Variants in SZT2 observed in about 807,000 individuals in gnomAD.
SZT2 encodes KICSTOR complex protein SZT2.
SZT2 carries 216 observed loss-of-function variants against 404.2 expected under a neutral mutation model. The observed-to-expected ratio is 0.53, with a 90% confidence interval of 0.48 to 0.60. The LOEUF (loss-of-function observed/expected upper bound fraction) is 0.60, where lower values mean the gene tolerates loss of function less well. Among genes scored for constraint, SZT2 ranks in the 20% least tolerant of loss-of-function variants. SZT2 has a pLI of 0.00. For missense variants in SZT2, 3,857 were observed against 4,459.2 expected (o/e 0.86, Z 3.85); for synonymous variants, 1,693 against 1,749.9 (o/e 0.97, Z 0.81).
intron 6 of SZT2, 134 bp downstream of exon 6, chr1:43,416,235 T>A (rs1437351129): frequency 7.5e-6 from 9 of 1,202,648 alleles, no homozygotes; most frequent in African/African-American, 3.1e-5. Flanking sequence ...GTTTGCAAAA[T>A]GTAAGTCTGT....
At chr1:43,404,760 T>C (rs1650101619) in intron 4 of SZT2, 1 of 484,328 alleles carries the variant, frequency 2.1e-6, no homozygotes, top group East Asian at 3.5e-5. Context: ...AGACTTCGGG[T>C]CAGTTGGTGT....
Position 43,428,416 on chromosome 1 carries a change from G to A in SZT2, c.4096G>A (p.Gly1366Arg). The change falls in exon 28 of 72, where the codon GGG (glycine) becomes AGG (arginine). Residue 1366 changes from glycine (G) to arginine (R), a missense_variant. Physicochemically the swap from Gly to Arg is moderately radical, Grantham distance 125. Transcript: ENST00000634258. The part of the protein sequence containing the change: ...APPSPGPLSP[G>R]PFSSSMEEGA... ...CCCAAGTCCTGGTCCTCTCAGCCCT[G>A]GGCCCTTCAGCAGCAGCATGGAGGA... The A allele has an allele frequency of 6.2e-7, 1 of 1,614,162 alleles. No individual in the cohort carries two copies.
chr1:43,419,907 G>T lies in SZT2; in HGVS notation c.1053G>T (p.Leu351=), dbSNP rs1273335092. 8 of 1,598,224 alleles carry T rather than the reference G, an allele frequency of 5.0e-6. No homozygotes were observed. The highest frequency in any genetic ancestry group is 6.8e-6 in the Non-Finnish European group (8 of 1,179,744). ...YHRAFLLYSF[L]RSGEALNPEY... ...GGGCATTTCTCCTCTATTCCTTCCT[G>T]CGCAGTGGGGAAGCACTGAACCCTG... is the stretch of plus-strand genomic sequence containing the variant. Residue 351 remains leucine, a synonymous_variant, in exon 8 of 72, where the codon CTG becomes CTT. Transcript: ENST00000634258.
In SZT2 at chr1:43,427,983, A is replaced by G. The variant is rs776029530; in HGVS notation, c.3804-20A>G. ...CACTTAAGGGAGTTGGTCAAGTTCC[A>G]TTTTCCCTTCGTTTCCTAGGACTCA... On this transcript the variant is annotated intron_variant, in intron 26 of 71. Transcript: ENST00000634258. 3.7e-6 allele frequency: 6 copies of G among 1,605,630 alleles called. No homozygotes were observed. Among genetic ancestry groups the G allele is most frequent in the East Asian group, 2.2e-5 (1 of 44,790 alleles).
rs781556562 is a variant in SZT2 at position 43,432,531 on chromosome 1, C to T, written c.5457C>T (p.Ser1819=). 6.2e-7 allele frequency: 1 copy of T among 1,606,332 alleles called. No individual in the cohort carries two copies. The highest frequency in any genetic ancestry group is 8.5e-7 in the Non-Finnish European group (1 of 1,176,360). The change falls in exon 38 of 72, where the codon AGC becomes AGT. Residue 1819 remains serine (S), a synonymous_variant. Transcript: ENST00000634258. ...CTATTCCTCAGACCCTGACAGCCAG[C>T]CCCCAAGCACCTGGGTCCCCAGAGG... ...EGIEGETLTA[S]PQAPGSPEDS...
At chr1:43,390,684 G>T (rs577526120) in intron 1 of SZT2, among the ~76,000 whole-genome samples, 2 of 152,322 alleles carry the variant, frequency 1.3e-5, no homozygotes, top group South Asian at 4.1e-4. Flanking sequence ...CAAGGAAGGT[G>T]GCATTCTCAC....
chr1:43,450,405 A>G lies in SZT2; in HGVS notation c.10224A>G (p.Gln3408=), dbSNP rs1416479711. 1.2e-5 allele frequency: 20 copies of G among 1,613,816 alleles called. No individual in the cohort carries two copies. Among genetic ancestry groups the G allele is most frequent in the Non-Finnish European group, 3.4e-6 (4 of 1,179,938 alleles). The change falls in exon 72 of 72, where the codon CAA becomes CAG. Residue 3408 remains glutamine (Q), a synonymous_variant. Transcript: ENST00000634258. This position sits in a 1 kb window ranked among gnomAD's most constrained non-coding sequence, Gnocchi z 4.3. ...AGGACAGCGAGAGCCCCCCTGCCCA[A>G]CTGGTCTCCACCTACCACCACCTGG... The part of the protein sequence containing the change: ...QPQDSESPPA[Q]LVSTYHHLES...
rs147961236 is a variant in SZT2 at position 43,451,422 on chromosome 1, A to C, written c.*942A>C. 6.2e-7 allele frequency: 1 copy of C among 1,613,062 alleles called. No individual in the cohort carries two copies. Among genetic ancestry groups the C allele is most frequent in the Admixed American group, 1.7e-5 (1 of 60,020 alleles). Reference sequence around the variant, plus strand: ...GGCCACGCCTCACCTCGAGGCTGATACTCACAGCCCACGAAGCCTTTGTAG... The same window carrying C: ...GGCCACGCCTCACCTCGAGGCTGATCCTCACAGCCCACGAAGCCTTTGTAG... On this transcript the variant is annotated 3_prime_UTR_variant, in exon 72 of 72. Transcript: ENST00000634258.
intron 64 of SZT2, 37 bp downstream of exon 64, chr1:43,446,296 C>G (rs1009788444): frequency 6.2e-7 from 1 of 1,614,144 alleles, no homozygotes; most frequent in Non-Finnish European, 8.5e-7. Context: ...ACAGCCAGAC[C>G]CACCTGTCTC....
chr1:43,452,417 G>A lies in SZT2; in HGVS notation c.*1937G>A. The A allele has an allele frequency of 2.1e-6, 2 of 953,524 alleles. No homozygotes were observed. Among genetic ancestry groups the A allele is most frequent in the East Asian group, 2.6e-5 (1 of 38,200 alleles). The allele number at this position is 953,524 out of a possible 1,614,324, so 59.1% of individuals were successfully genotyped here. On this transcript the variant is annotated 3_prime_UTR_variant, in exon 72 of 72. Coordinates refer to ENST00000634258, the MANE Select transcript of SZT2 (RefSeq NM_001365999.1). ...TGCCAGCCCTCGTCCGTCTCCCCAGGTCTCCAGTCCATGGCACCTGGGTCA... is the reference window on the plus strand; with the variant it reads ...TGCCAGCCCTCGTCCGTCTCCCCAGATCTCCAGTCCATGGCACCTGGGTCA...
chr1:43,453,060 G>T lies in SZT2; in HGVS notation c.*2580G>T. The stretch of plus-strand genomic sequence containing the variant: ...AAGCAGCTTTCTCTGATCCAGACAG[G>T]GTTAGGTGCCTACCCTGCTCCCACA... On this transcript the variant is annotated 3_prime_UTR_variant, in exon 72 of 72. Transcript: ENST00000634258. The T allele has an allele frequency of 9.2e-7, 1 of 1,086,496 alleles. No homozygotes were observed. The highest frequency in any genetic ancestry group is 1.3e-5 in the South Asian group (1 of 75,170). 67.3% of individuals were successfully genotyped at this position (1,086,496 alleles called of 1,614,324 possible). A position where few individuals can be genotyped will look rare whatever the true frequency, so the allele number is the denominator to read the frequency against.
Position 43,439,016 on chromosome 1 carries a change from T to C in SZT2, c.6715T>C (p.Trp2239Arg). ...SCRPWLPALA[W>R]YLRQNLLIFL... ...CAGGCCCTGGCTTCCAGCCCTGGCA[T>C]GGTACCTACGGCAGAACTTGCTCAT... is the stretch of plus-strand genomic sequence containing the variant. The change falls in exon 48 of 72, where the codon TGG becomes CGG. Residue 2239 changes from tryptophan (W) to arginine (R), a missense_variant. Physicochemically the swap from Trp to Arg is moderately radical, Grantham distance 101 (BLOSUM62 -3). This residue lies in a region of SZT2 where 261 missense variants were observed against 372.9 expected (regional missense o/e 0.70). Coordinates refer to ENST00000634258, the MANE Select transcript of SZT2 (RefSeq NM_001365999.1). The surrounding 1 kb of genome is among the most constrained non-coding windows in gnomAD (Gnocchi z 4.2). The C allele has an allele frequency of 6.2e-7, 1 of 1,614,216 alleles. No homozygotes were observed.
chr1:43,446,081 C>T, intron 63 of SZT2, 97 bp downstream of exon 63: 1 of 1,583,278 alleles, frequency 6.3e-7, no homozygotes, highest in South Asian at 1.1e-5. Context: ...TCACTGATCC[C>T]AGACTGACAC....
intron 7 of SZT2, among the ~76,000 whole-genome samples, chr1:43,417,031 G>A (rs1257443530): frequency 6.6e-6 from 1 of 152,222 alleles, no homozygotes; most frequent in East Asian, 1.9e-4. Flanking sequence ...GGACTGTAGG[G>A]AAGGAGGTAA....
chr1:43,420,402 A>G lies in SZT2; in HGVS notation c.1261+79A>G. ...GTGGGAAGACCCACATGTATCACAC[A>G]TGAAAGAGTGTCACATTGAAGTCCT... On this transcript the variant is annotated intron_variant, in intron 9 of 71. Transcript: ENST00000634258. This position sits in a 1 kb window ranked among gnomAD's most constrained non-coding sequence, Gnocchi z 5.1. 5.6e-6 allele frequency: 8 copies of G among 1,440,064 alleles called. No homozygotes were observed. The South Asian group carries it at 8.5e-5, about 15-fold the overall frequency. 89.2% of individuals were successfully genotyped at this position (1,440,064 alleles called of 1,614,324 possible).
Position 43,427,111 on chromosome 1 carries a change from G to T in SZT2, c.3365G>T (p.Trp1122Leu). 1 of 1,614,060 alleles carries T rather than the reference G, an allele frequency of 6.2e-7. No homozygotes were observed. The highest frequency in any genetic ancestry group is 8.5e-7 in the Non-Finnish European group (1 of 1,180,002). ...KPLISAQPPQ[W>L]RCYARLVNPQ... ...CTCATCTCTGCCCAGCCCCCTCAGT[G>T]GCGCTGCTATGCAAGGCTTGTGAAC... Residue 1122 changes from tryptophan (W) to leucine (L), a missense_variant, in exon 24 of 72, where the codon TGG (tryptophan) becomes TTG (leucine). Around this residue, in one of 7 missense-constraint regions of SZT2, gnomAD observed 1,725 missense variants for 1,881.0 expected, o/e 0.92. Transcript: ENST00000634258.
chr1:43,403,387 G>T, intron 2 of SZT2, 85 bp downstream of exon 2: 1 of 1,533,190 alleles, frequency 6.5e-7, no homozygotes, highest in South Asian at 1.2e-5. Context: ...GACAGGGTGG[G>T]AGACTAACTC....
In SZT2 at chr1:43,450,718, C is replaced by A; in HGVS notation, c.*238C>A. 1.4e-6 allele frequency: 1 copy of A among 703,838 alleles called. No homozygotes were observed. The allele number at this position is 703,838 out of a possible 1,614,324, so 43.6% of individuals were successfully genotyped here. A position where few individuals can be genotyped will look rare whatever the true frequency, so the allele number is the denominator to read the frequency against. ...CCAGGACTCCAGAGAGTCAGGTCAA[C>A]CCCGAGGACCCCTTGGGCCCTTCTG... On this transcript the variant is annotated 3_prime_UTR_variant, in exon 72 of 72. Coordinates refer to ENST00000634258, the MANE Select transcript of SZT2 (RefSeq NM_001365999.1). The surrounding 1 kb of genome is among the most constrained non-coding windows in gnomAD (Gnocchi z 4.3).
rs1570664058 is a variant in SZT2, at chr1:43,429,697, A to C, written c.4167-6A>C. ...ACACTTCAACATCCTTACCCCAACCATTCAGCATAGAGACCGAGGACCTAA... is the reference window on the plus strand; with the variant it reads ...ACACTTCAACATCCTTACCCCAACCCTTCAGCATAGAGACCGAGGACCTAA... On this transcript the variant is annotated splice_polypyrimidine_tract_variant and splice_region_variant and intron_variant, in intron 28 of 71. Transcript: ENST00000634258. 1 of 1,614,160 alleles carries C rather than the reference A, an allele frequency of 6.2e-7. No individual in the cohort carries two copies. Among genetic ancestry groups the C allele is most frequent in the East Asian group, 2.2e-5 (1 of 44,868 alleles).
Sources: gnomAD v4.1 joint callset for allele counts (sites outside exome capture counted in the v4.1 genomes callset) on GRCh38, gnomAD v4.1.1 for gene constraint, gnomAD v4.1.1 regional missense constraint, Gnocchi (gnomAD v3.1) non-coding constraint, MANE v1.5 for transcripts, NCBI Gene and HGNC (gene_info 2026-07-23, HGNC 2026-07-21) for gene names.